The following MAPK10 variants were observed in gnomAD, a reference collection of about 807,000 sequenced individuals.
The protein encoded by MAPK10 is mitogen-activated protein kinase 10, also known as JNK3 alpha protein kinase.
MAPK10 carries 25 observed loss-of-function variants against 59.3 expected under a neutral mutation model. The ratio of observed to expected loss-of-function variants is 0.42; its 90% CI spans 0.31 to 0.59. The LOEUF (loss-of-function observed/expected upper bound fraction) is 0.59, where lower values mean the gene tolerates loss of function less well. Ranked by LOEUF, MAPK10 falls within the 20% of genes least tolerant of loss-of-function variation. The pLI is 0.15. For synonymous variants in MAPK10, 190 were observed against 200.5 expected (o/e 0.95, Z 0.44); for missense variants, 351 against 568.9 (o/e 0.62, Z 3.90).
chr4:86,143,358 C>T (rs1229793295), intron 4 of MAPK10, among the ~76,000 whole-genome samples: 1 of 152,168 alleles, frequency 6.6e-6, no homozygotes, highest in Non-Finnish European at 1.5e-5. Flanking sequence ...AGACAGCTTG[C>T]TCTCCACTTG....
chr4:86,019,846 A>C (rs1745456233), intron 13 of MAPK10, among the ~76,000 whole-genome samples: 1 of 152,200 alleles, frequency 6.6e-6, no homozygotes, highest in Non-Finnish European at 1.5e-5. Flanking sequence ...ATATCCCTAG[A>C]CTATGGATGC....
intron 3 of MAPK10, among the ~76,000 whole-genome samples, chr4:86,180,713 CT>C (rs2076746865): frequency 6.6e-6 from 1 of 151,764 alleles, no homozygotes; most frequent in South Asian, 2.1e-4. Context: ...ATGAATGGAA[CT>C]GGAAGACATT....
chr4:86,577,976 T>C (rs542474248), intron 1 of MAPK10, among the ~76,000 whole-genome samples: 4 of 152,258 alleles, frequency 2.6e-5, no homozygotes, highest in Admixed American at 2.0e-4. Context: ...TCCAAGTCAA[T>C]TGGAATTAAG....
At chr4:86,100,986 T>A (rs2055258608) in intron 8 of MAPK10, 66 bp downstream of exon 8, 1 of 1,387,424 alleles carries the variant, frequency 7.2e-7, no homozygotes, top group South Asian at 1.2e-5. Context: ...ACATTCCCCT[T>A]GGCTATCTAC....
rs961373939 is a variant in MAPK10, at chr4:86,101,781, G to A, written c.564+113C>T. On this transcript the variant is annotated intron_variant, in intron 7 of 13. Coordinates refer to ENST00000641462, the MANE Select transcript of MAPK10 (RefSeq NM_138982.4). ...ACTAGGTGCTAATTCTAGTATCAAA[G>A]AAATGAGGAAGTATATTATATTTGA... is the stretch of plus-strand genomic sequence containing the variant. 4 of 1,043,822 alleles carry A rather than the reference G, an allele frequency of 3.8e-6. No homozygotes were observed. The African/African-American group carries it at 6.4e-5, about 17-fold the overall frequency. 64.7% of individuals were successfully genotyped at this position (1,043,822 alleles called of 1,614,324 possible). A position where few individuals can be genotyped will look rare whatever the true frequency, so the allele number is the denominator to read the frequency against.
intron 4 of MAPK10, among the ~76,000 whole-genome samples, chr4:86,150,663 C>A (rs997988877): frequency 9.9e-5 from 15 of 152,074 alleles, no homozygotes; most frequent in African/African-American, 3.4e-4. Flanking sequence ...AGATCGAGAC[C>A]ATCCTGGCTA....
upstream of MAPK10, among the ~76,000 whole-genome samples, chr4:86,455,020 C>T (rs1398305689): frequency 1.3e-5 from 2 of 152,066 alleles, no homozygotes; most frequent in Non-Finnish European, 2.9e-5. Flanking sequence ...AATTTTTGTA[C>T]CCAGTGAAAC....
chr4:86,572,675 C>A (rs940916696), intron 1 of MAPK10, among the ~76,000 whole-genome samples: 28 of 152,234 alleles, frequency 1.8e-4, no homozygotes, highest in Non-Finnish European at 2.4e-4. Flanking sequence ...GAGCATGAGG[C>A]CCTGTTCAAT....
intron 1 of MAPK10, among the ~76,000 whole-genome samples, chr4:86,590,735 GTGACCA>G (rs1213815789): frequency 6.6e-5 from 10 of 151,992 alleles, no homozygotes; most frequent in Admixed American, 5.2e-4. Flanking sequence ...GCAGTGAGCT[GTGACCA>G]CACTACTACA....
At chr4:86,220,654 G>C in intron 2 of MAPK10, among the ~76,000 whole-genome samples, 1 of 152,296 alleles carries the variant, frequency 6.6e-6, no homozygotes, top group East Asian at 1.9e-4. Flanking sequence ...TGTGTTTAGA[G>C]TTATAAAAGC....
intron 3 of MAPK10, among the ~76,000 whole-genome samples, chr4:86,165,768 C>G (rs2071487715): frequency 2.0e-5 from 3 of 151,826 alleles, no homozygotes; most frequent in Admixed American, 2.0e-4. Context: ...AAATTTTGTT[C>G]TCTCAAGAGC....
At chr4:86,103,710 C>T (rs2056008025) in intron 5 of MAPK10, among the ~76,000 whole-genome samples, 1 of 151,590 alleles carries the variant, frequency 6.6e-6, no homozygotes, top group South Asian at 2.1e-4. Flanking sequence ...TTTACTTCTA[C>T]CTCACACTCA....
intron 4 of MAPK10, among the ~76,000 whole-genome samples, chr4:86,121,991 C>G (rs139178628): frequency 2.0e-4 from 31 of 152,230 alleles, no homozygotes; most frequent in African/African-American, 6.5e-4. Flanking sequence ...ACAATCCTGC[C>G]ATTTAGTTCA....
intron 1 of MAPK10, among the ~76,000 whole-genome samples, chr4:86,415,876 T>C (rs753950404): frequency 6.6e-6 from 1 of 152,220 alleles, no homozygotes; most frequent in Non-Finnish European, 1.5e-5. Flanking sequence ...TTGCATCTTA[T>C]AGCAGTATAG....
At chr4:86,499,053 A>C (rs1447573273) in intron 1 of MAPK10, among the ~76,000 whole-genome samples, 1 of 152,216 alleles carries the variant, frequency 6.6e-6, no homozygotes, top group East Asian at 1.9e-4. Flanking sequence ...AGAGAATCAT[A>C]AGTTAATATT....
chr4:86,020,474 A>C (rs1745900865), intron 13 of MAPK10: 1 of 155,228 alleles, frequency 6.4e-6, no homozygotes, highest in Admixed American at 6.5e-5. Flanking sequence ...TGGGGCATAG[A>C]GTAATTCTAG....
intron 11 of MAPK10, among the ~76,000 whole-genome samples, chr4:86,063,613 A>G (rs1393155169): frequency 6.6e-6 from 1 of 152,174 alleles, no homozygotes; most frequent in Non-Finnish European, 1.5e-5. Flanking sequence ...AGAGGTAAAG[A>G]TGAAAGAAAG....
At chr4:86,421,958 C>T (rs1209641053) in intron 1 of MAPK10, among the ~76,000 whole-genome samples, 1 of 152,122 alleles carries the variant, frequency 6.6e-6, no homozygotes, top group Non-Finnish European at 1.5e-5. Context: ...ACTCCAGCCT[C>T]ACTCCTTTGC....
intron 1 of MAPK10, among the ~76,000 whole-genome samples, chr4:86,554,305 CA>C (rs1760088624): frequency 6.6e-6 from 1 of 152,100 alleles, no homozygotes; most frequent in African/African-American, 2.4e-5. Context: ...TTATAGTTCC[CA>C]AGACTGTATC....
Sources: gnomAD v4.1 joint callset for allele counts (sites outside exome capture counted in the v4.1 genomes callset) on GRCh38, gnomAD v4.1.1 for gene constraint, MANE v1.5 for transcripts, NCBI Gene and HGNC (gene_info 2026-07-23, HGNC 2026-07-21) for gene names.